Variants in CDK2 observed in about 807,000 individuals in gnomAD.
CDK2 encodes cyclin-dependent kinase 2.
A neutral mutation model predicts 35.0 loss-of-function variants in CDK2; 8 were observed. The observed-to-expected ratio is 0.23, with a 90% CI of 0.13 to 0.41. The LOEUF is 0.41. Among genes scored for constraint, CDK2 ranks in the 10% least tolerant of loss-of-function variants. The pLI, the probability that CDK2 is intolerant of heterozygous loss-of-function variation, is 1.00. For synonymous variants in CDK2, 134 were observed against 137.7 expected, an observed-to-expected ratio of 0.97 and a Z score of 0.19; for missense variants, 201 against 367.1, an observed-to-expected ratio of 0.55 and a Z score of 3.70.
chr12:55,969,417 A>T, intron 4 of CDK2, 58 bp from the exon 5 acceptor site: 1 of 859,888 alleles, frequency 1.2e-6, no homozygotes, highest in East Asian at 2.5e-5. Context: ...AGGAACTGAG[A>T]TGCGGGAATT....
Position 55,966,836 on chromosome 12 carries a change from T to A in CDK2, c.-173T>A. On this transcript the variant is annotated 5_prime_UTR_variant, in exon 1 of 7. Transcript: ENST00000266970. Reference sequence around the variant, plus strand: ...CTCGGTGGGAGGCGGCAACATTGTTTCAAGTTGGCCAAATTGACAAGAGCG... The same window carrying A: ...CTCGGTGGGAGGCGGCAACATTGTTACAAGTTGGCCAAATTGACAAGAGCG... 7 of 877,622 alleles carry A rather than the reference T, an allele frequency of 8.0e-6. No homozygotes were observed. The highest frequency in any genetic ancestry group is 1.2e-5 in the Non-Finnish European group (7 of 605,514). 54.4% of individuals were successfully genotyped at this position (877,622 alleles called of 1,614,324 possible).
chr12:55,966,968 C>T lies in CDK2; in HGVS notation c.-41C>T. ...TCCGCCTTCTGCAGGGTTCCCAGGC[C>T]CCCGCTCCAGGGCCGGGCTGACCCG... On this transcript the variant is annotated 5_prime_UTR_variant, in exon 1 of 7. Transcript: ENST00000266970. 3 of 1,509,812 alleles carry T rather than the reference C, an allele frequency of 2.0e-6. No individual in the cohort carries two copies. The highest frequency in any genetic ancestry group is 1.8e-6 in the Non-Finnish European group (2 of 1,099,264). The allele number at this position is 1,509,812 out of a possible 1,614,324, so 93.5% of individuals were successfully genotyped here. A position where few individuals can be genotyped will look rare whatever the true frequency, so the allele number is the denominator to read the frequency against.
chr12:55,968,228 C>A, intron 3 of CDK2, 59 bp downstream of exon 3: 2 of 1,596,030 alleles, frequency 1.3e-6, no homozygotes, highest in Non-Finnish European at 1.7e-6. Flanking sequence ...TGGTGGCAGG[C>A]AATTCAGGGT....
chr12:55,968,677 T>C (rs1422411833), intron 3 of CDK2, 101 bp from the exon 4 acceptor site: 12 of 859,310 alleles, frequency 1.4e-5, no homozygotes, highest in Non-Finnish European at 2.1e-5. Flanking sequence ...GTAACTATAA[T>C]CCAACATAAT....
At chr12:55,970,974 C>T (rs772439027) in intron 5 of CDK2, 70 bp from the exon 6 acceptor site, 1 of 1,371,066 alleles carries the variant, frequency 7.3e-7, no homozygotes, top group Non-Finnish European at 1.0e-6. Context: ...TGTGGGAACT[C>T]CTTTGTATAG....
Position 55,971,739 on chromosome 12 carries a change from A to C in CDK2, c.*114A>C. 1 of 712,626 alleles carries C rather than the reference A, an allele frequency of 1.4e-6. No homozygotes were observed. The highest frequency in any genetic ancestry group is 1.8e-5 in the African/African-American group (1 of 56,190). 44.1% of individuals were successfully genotyped at this position (712,626 alleles called of 1,614,324 possible). On this transcript the variant is annotated 3_prime_UTR_variant, in exon 7 of 7. Coordinates refer to ENST00000266970, the MANE Select transcript of CDK2 (RefSeq NM_001798.5). ...TGGGCCCTCTGAACTTGCCTTAAAC[A>C]CTCACCTTCTAGTCTTGGCCAGCCA...
intron 1 of CDK2, 68 bp downstream of exon 1, chr12:55,967,192 G>T: frequency 1.6e-6 from 2 of 1,230,102 alleles, no homozygotes; most frequent in Non-Finnish European, 2.3e-6. Context: ...AACCCCCCAC[G>T]GGCGGGTAGC....
At chr12:55,969,382 G>A (rs1230697415) in intron 4 of CDK2, 93 bp from the exon 5 acceptor site, 2 of 605,214 alleles carry the variant, frequency 3.3e-6, no homozygotes, top group Middle Eastern at 2.7e-4. Flanking sequence ...TTGTTAAGAG[G>A]CCAAGAGTAA....
At chr12:55,967,397 AAGG>A (rs1889352646) in intron 1 of CDK2, 11 of 498,604 alleles carry the variant, frequency 2.2e-5, no homozygotes, top group Admixed American at 3.3e-5. Context: ...CGGGGAGAGA[AAGG>A]AGGTCTCTGA....
At position 55,971,515 on chromosome 12, in the gene CDK2, C is replaced by T. The variant is rs374521494; in HGVS notation, c.793-6C>T. The T allele has an allele frequency of 1.7e-5, 27 of 1,608,320 alleles. No individual in the cohort carries two copies. Among genetic ancestry groups the T allele is most frequent in the East Asian group, 2.2e-5 (1 of 44,854 alleles). ...CATTGAAGTCAACATGCATCTCTCC[C>T]TCTAGCAAATGCTGCACTACGACCC... On this transcript the variant is annotated splice_region_variant and splice_polypyrimidine_tract_variant and intron_variant, in intron 6 of 6. Coordinates refer to ENST00000266970, the MANE Select transcript of CDK2 (RefSeq NM_001798.5).
rs1416758120 is a variant in CDK2, at chr12:55,966,998, G to T, written c.-11G>T. On this transcript the variant is annotated 5_prime_UTR_variant, in exon 1 of 7. Coordinates refer to ENST00000266970, the MANE Select transcript of CDK2 (RefSeq NM_001798.5). ...CTCCAGGGCCGGGCTGACCCGACTCGCTGGCGCTTCATGGAGAACTTCCAA... is the reference window on the plus strand; with the variant it reads ...CTCCAGGGCCGGGCTGACCCGACTCTCTGGCGCTTCATGGAGAACTTCCAA... 4 of 1,602,954 alleles carry T rather than the reference G, an allele frequency of 2.5e-6. No individual in the cohort carries two copies. Among genetic ancestry groups the T allele is most frequent in the African/African-American group, 1.3e-5 (1 of 74,904 alleles).
At chr12:55,970,482 A>G in intron 5 of CDK2, 2 of 606,816 alleles carry the variant, frequency 3.3e-6, no homozygotes, top group Non-Finnish European at 5.9e-6. Flanking sequence ...CTTGGTTGTA[A>G]CCAAGAGCTT....
intron 1 of CDK2, 131 bp from the exon 2 acceptor site, chr12:55,967,726 C>A: frequency 1.4e-6 from 1 of 724,986 alleles, no homozygotes; most frequent in South Asian, 1.6e-5. Flanking sequence ...CTCTTACCAT[C>A]ACCCTTTCTC....
At position 55,971,906 on chromosome 12, in the gene CDK2, T is replaced by C. The variant is rs1889486463; in HGVS notation, c.*281T>C. ...AAGAGGGTTGGTATAAAAATAATTT[T>C]AAAAAAGCCTTCCTACACGTTAGAT... On this transcript the variant is annotated 3_prime_UTR_variant, in exon 7 of 7. Coordinates refer to ENST00000266970, the MANE Select transcript of CDK2 (RefSeq NM_001798.5). 2.7e-6 allele frequency: 1 copy of C among 375,720 alleles called. No homozygotes were observed. The highest frequency in any genetic ancestry group is 4.6e-5 in the East Asian group (1 of 21,840). 23.3% of individuals were successfully genotyped at this position (375,720 alleles called of 1,614,324 possible).
intron 1 of CDK2, chr12:55,967,586 A>AT (rs888749867): frequency 4.0e-6 from 2 of 504,850 alleles, no homozygotes; most frequent in South Asian, 2.5e-5. Context: ...CTACTCCTGC[A>AT]TTTTTTCCCC....
At chr12:55,970,721 G>A (rs568991454) in intron 5 of CDK2, 52 of 701,890 alleles carry the variant, frequency 7.4e-5, no homozygotes, top group African/African-American at 7.0e-4. Flanking sequence ...GGGGATGACC[G>A]CAGTGTCTAC....
chr12:55,971,436 T>C, intron 6 of CDK2, 85 bp from the exon 7 acceptor site: 1 of 1,197,308 alleles, frequency 8.4e-7, no homozygotes, highest in South Asian at 1.2e-5. Flanking sequence ...TAGAAGGAGT[T>C]CTGGTTTCCT....
At chr12:55,970,522 T>G in intron 5 of CDK2, 1 of 665,798 alleles carries the variant, frequency 1.5e-6, no homozygotes, top group Non-Finnish European at 2.7e-6. Context: ...ATATGTAATG[T>G]GCATTTATCC....
intron 1 of CDK2, 53 bp from the exon 2 acceptor site, chr12:55,967,804 G>C (rs912392769): frequency 6.5e-5 from 95 of 1,455,444 alleles, no homozygotes; most frequent in Non-Finnish European, 8.6e-5. Flanking sequence ...AGGTGGGGGG[G>C]AAAGGAATAT....
Sources: allele counts gnomAD v4.1 joint callset, GRCh38; gene constraint gnomAD v4.1.1; transcripts MANE v1.5; gene names NCBI Gene and HGNC (gene_info 2026-07-23, HGNC 2026-07-21).